The following SLC8A1 variants were observed in gnomAD, a reference collection of about 807,000 sequenced individuals.
SLC8A1 encodes solute carrier family 8 member A1, also known as sodium/calcium exchanger 1.
SLC8A1 carries 18 observed loss-of-function variants against 68.3 expected under a neutral mutation model. The observed-to-expected ratio is 0.26, with a 90% CI of 0.18 to 0.39. The LOEUF is 0.39. Among genes scored for constraint, SLC8A1 ranks in the 10% least tolerant of loss-of-function variants. The probability of loss-of-function intolerance (pLI) is 1.00; values close to 1 mark genes in which losing one functional copy is unlikely to be tolerated. For missense variants in SLC8A1, 985 were observed against 1,156.7 expected (o/e 0.85, Z 2.15); for synonymous variants, 475 against 415.5 (o/e 1.14, Z -1.74).
At chr2:40,174,839 C>T (rs1417905305) in exon 4 of SLC8A1, 1 of 1,609,066 alleles carries the variant, frequency 6.2e-7, no homozygotes, top group South Asian at 1.1e-5. Flanking sequence ...TATTGTGAAG[C>T]CACCTAAAAA....
At chr2:40,384,776 G>T (rs1266703504) in intron 2 of SLC8A1, among the ~76,000 whole-genome samples, 1 of 151,988 alleles carries the variant, frequency 6.6e-6, no homozygotes, top group Non-Finnish European at 1.5e-5. Context: ...TTTCACATTT[G>T]GGCATTTAAA....
intron 1 of SLC8A1, among the ~76,000 whole-genome samples, chr2:40,450,496 T>C (rs1702244318): frequency 6.6e-6 from 1 of 152,150 alleles, no homozygotes; most frequent in Non-Finnish European, 1.5e-5. Context: ...CAACTGCTCA[T>C]ATCTGGAGAT....
chr2:40,139,712 C>G (rs1292409646), intron 6 of SLC8A1, 36 bp from the exon 10 acceptor site: 1 of 1,591,512 alleles, frequency 6.3e-7, no homozygotes, highest in African/African-American at 1.3e-5. Context: ...TTCATCACAA[C>G]CTGTGTTGCC....
intron 1 of SLC8A1, among the ~76,000 whole-genome samples, chr2:40,502,040 A>C (rs1286127479): frequency 2.6e-5 from 4 of 152,056 alleles, no homozygotes; most frequent in African/African-American, 9.7e-5. Flanking sequence ...CCCCTTGCCC[A>C]GCATCCATAG....
intron 2 of SLC8A1, among the ~76,000 whole-genome samples, chr2:40,316,829 C>T (rs1463235091): frequency 1.3e-5 from 2 of 152,014 alleles, no homozygotes; most frequent in Non-Finnish European, 2.9e-5. Flanking sequence ...GAGTGCCCAA[C>T]ATGTAATCTT....
At chr2:40,144,370 A>G (rs2042082530) in intron 6 of SLC8A1, among the ~76,000 whole-genome samples, 1 of 152,216 alleles carries the variant, frequency 6.6e-6, no homozygotes, top group African/African-American at 2.4e-5. Flanking sequence ...CCTGAAGTTC[A>G]GAGAATTTAA....
At chr2:40,319,854 T>C (rs2074968341) in intron 2 of SLC8A1, among the ~76,000 whole-genome samples, 1 of 152,122 alleles carries the variant, frequency 6.6e-6, no homozygotes. Context: ...TCTAGATATA[T>C]CACAATTTTG....
exon 2 of SLC8A1, chr2:40,430,014 A>G (rs538636773): frequency 6.2e-7 from 1 of 1,613,944 alleles, no homozygotes; most frequent in African/African-American, 1.3e-5. Flanking sequence ...AGACTCCAAG[A>G]AACATGTAGA....
chr2:40,279,218 A>G (rs770436302), intron 2 of SLC8A1, among the ~76,000 whole-genome samples: 2 of 152,138 alleles, frequency 1.3e-5, no homozygotes, highest in African/African-American at 2.4e-5. Context: ...TATTAATATC[A>G]CTTTCACTTT....
At chr2:40,160,334 A>G (rs2045448132) in intron 6 of SLC8A1, among the ~76,000 whole-genome samples, 1 of 152,202 alleles carries the variant, frequency 6.6e-6, no homozygotes, top group Non-Finnish European at 1.5e-5. Context: ...ATGTTGTTGA[A>G]GAGAGTGTAA....
At chr2:40,404,688 A>G (rs1001468260) in intron 2 of SLC8A1, among the ~76,000 whole-genome samples, 1 of 152,176 alleles carries the variant, frequency 6.6e-6, no homozygotes, top group Non-Finnish European at 1.5e-5. Context: ...ATCTGAAAGT[A>G]AAACTAGAGC....
intron 2 of SLC8A1, among the ~76,000 whole-genome samples, chr2:40,416,614 C>G (rs765886995): frequency 1.3e-5 from 2 of 152,010 alleles, no homozygotes; most frequent in Non-Finnish European, 2.9e-5. Flanking sequence ...CTTAATGTTA[C>G]TATCAAGAAC....
At chr2:40,105,825 C>T (rs967674710) in exon 8 of SLC8A1, 1 of 152,164 alleles carries the variant, frequency 6.6e-6, no homozygotes, top group African/African-American at 2.4e-5. Context: ...GTGGTATGGC[C>T]CCAGTCCTAG....
chr2:40,109,899 T>C (rs1392736282), exon 8 of SLC8A1: 4 of 152,180 alleles, frequency 2.6e-5, no homozygotes, highest in Non-Finnish European at 5.9e-5. Context: ...ATATGGGTCA[T>C]AATTTTAACT....
chr2:40,369,484 T>C (rs1337002622), intron 2 of SLC8A1, among the ~76,000 whole-genome samples: 3 of 152,068 alleles, frequency 2.0e-5, no homozygotes, highest in Non-Finnish European at 4.4e-5. Flanking sequence ...AATGAATAGA[T>C]TTAGCATTGC....
chr2:40,328,627 A>G (rs2076094195), intron 2 of SLC8A1, among the ~76,000 whole-genome samples: 1 of 152,190 alleles, frequency 6.6e-6, no homozygotes, highest in African/African-American at 2.4e-5. Context: ...TTTAAACTAG[A>G]TATCCCAAAC....
At chr2:40,195,247 C>T (rs1381928908) in intron 2 of SLC8A1, among the ~76,000 whole-genome samples, 3 of 152,026 alleles carry the variant, frequency 2.0e-5, no homozygotes, top group East Asian at 1.9e-4. Flanking sequence ...TGGAAGAACA[C>T]ATGTGATATG....
chr2:40,119,383 T>TTAG (rs2036265328), intron 7 of SLC8A1, among the ~76,000 whole-genome samples: 1 of 152,122 alleles, frequency 6.6e-6, no homozygotes, highest in African/African-American at 2.4e-5. Flanking sequence ...ACCACTAACC[T>TTAG]TAGCTCCAAC....
chr2:40,431,044 C>A (rs1307600247), intron 1 of SLC8A1, among the ~76,000 whole-genome samples: 2 of 152,162 alleles, frequency 1.3e-5, no homozygotes, highest in African/African-American at 4.8e-5. Flanking sequence ...TTGATGAGAG[C>A]ACATTTCTTT....
Sources: allele counts gnomAD v4.1 joint callset (sites outside exome capture counted in the v4.1 genomes callset), GRCh38; gene constraint gnomAD v4.1.1; transcripts MANE v1.5; gene names NCBI Gene and HGNC (gene_info 2026-07-23, HGNC 2026-07-21).